The following ARHGAP15 variants were observed in gnomAD, a reference collection of about 807,000 sequenced individuals.
ARHGAP15 encodes the protein Rho GTPase activating protein 15.
ARHGAP15 carries 51 observed loss-of-function variants against 63.7 expected under a neutral mutation model. The ratio of observed to expected loss-of-function variants is 0.80; its 90% CI spans 0.64 to 1.01. The LOEUF (loss-of-function observed/expected upper bound fraction) is 1.01, where lower values mean the gene tolerates loss of function less well. ARHGAP15 is among the 50% of genes least tolerant of loss of function. The pLI is 0.00. For missense variants in ARHGAP15, 560 were observed against 564.6 expected, an observed-to-expected ratio of 0.99 and a Z score of 0.08; for synonymous variants, 191 against 193.8, an observed-to-expected ratio of 0.99 and a Z score of 0.12.
chr2:143,296,244 G>T (rs1574229186), intron 6 of ARHGAP15, among the ~76,000 whole-genome samples: 1 of 151,988 alleles, frequency 6.6e-6, no homozygotes, highest in Non-Finnish European at 1.5e-5. Flanking sequence ...CACTTCGAGT[G>T]ACATCATGGC....
chr2:143,595,914 C>G (rs1409137869), intron 11 of ARHGAP15, among the ~76,000 whole-genome samples: 1 of 152,090 alleles, frequency 6.6e-6, no homozygotes, highest in Non-Finnish European at 1.5e-5. Flanking sequence ...AAACCAAGAT[C>G]CATCCCTTAA....
chr2:143,658,743 T>C (rs1681589163), intron 12 of ARHGAP15, among the ~76,000 whole-genome samples: 1 of 152,212 alleles, frequency 6.6e-6, no homozygotes, highest in African/African-American at 2.4e-5. Flanking sequence ...GTCCTTCCTC[T>C]GTCACTTCTG....
intron 2 of ARHGAP15, among the ~76,000 whole-genome samples, chr2:143,184,208 G>A (rs1158424793): frequency 1.3e-5 from 2 of 152,340 alleles, no homozygotes; most frequent in Non-Finnish European, 1.5e-5. Context: ...GCAAAAGTCT[G>A]AAGGACAAGT....
chr2:143,494,082 T>G (rs1301934702), intron 9 of ARHGAP15, among the ~76,000 whole-genome samples: 2 of 152,204 alleles, frequency 1.3e-5, no homozygotes, highest in Non-Finnish European at 2.9e-5. Context: ...TTTATTCTGC[T>G]TGGCCCTTAA....
At chr2:143,564,870 G>T in intron 11 of ARHGAP15, among the ~76,000 whole-genome samples, 1 of 152,114 alleles carries the variant, frequency 6.6e-6, no homozygotes, top group East Asian at 1.9e-4. Flanking sequence ...AAAATAAAAG[G>T]TGCTTTACCT....
chr2:143,636,621 A>G (rs1184921742), intron 12 of ARHGAP15, among the ~76,000 whole-genome samples: 1 of 152,160 alleles, frequency 6.6e-6, no homozygotes, highest in Non-Finnish European at 1.5e-5. Context: ...GATTTCCAGC[A>G]GGATCTTTTT....
chr2:143,169,730 T>C (rs932119681), intron 2 of ARHGAP15, among the ~76,000 whole-genome samples: 9 of 86,402 alleles, frequency 1.0e-4, no homozygotes, highest in Admixed American at 2.2e-4. Flanking sequence ...CAATCAGAAC[T>C]GTCAGTGGCC....
At position 143,367,841 on chromosome 2, in the gene ARHGAP15, C is replaced by T. The variant is rs78108145; in HGVS notation, c.475-67760C>T. On this transcript the variant is annotated intron_variant, in intron 6 of 13. Transcript: ENST00000295095. ...TTGGATTCATTGTACTGCAATTTTCCGGCCACCTTCTTTACAGCCATACTA... is the reference window on the plus strand; with the variant it reads ...TTGGATTCATTGTACTGCAATTTTCTGGCCACCTTCTTTACAGCCATACTA... 5.3e-3 allele frequency among the ~76,000 whole-genome samples: 810 copies of T among 151,936 alleles called. 8 individuals are homozygous for T. The highest frequency in any genetic ancestry group is 0.018 in the African/African-American group (746 of 41,484).
chr2:143,435,345 G>A (rs1574445223), intron 6 of ARHGAP15: 2 of 1,089,504 alleles, frequency 1.8e-6, no homozygotes, highest in East Asian at 6.1e-5. Context: ...TTAAGTTGGA[G>A]TAATTCAGCT....
At chr2:143,378,536 T>C (rs1686913567) in intron 6 of ARHGAP15, among the ~76,000 whole-genome samples, 1 of 152,058 alleles carries the variant, frequency 6.6e-6, no homozygotes, top group Non-Finnish European at 1.5e-5. Context: ...GTAGTCACTC[T>C]TAATGCCTTA....
intron 9 of ARHGAP15, among the ~76,000 whole-genome samples, chr2:143,497,512 C>T (rs1044141973): frequency 2.0e-5 from 3 of 152,110 alleles, no homozygotes; most frequent in Admixed American, 6.6e-5. Flanking sequence ...GTTCTTGTAC[C>T]GCATAGTTCC....
chr2:143,225,722 G>A (rs1020450529), intron 4 of ARHGAP15, among the ~76,000 whole-genome samples: 5 of 152,124 alleles, frequency 3.3e-5, no homozygotes, highest in Non-Finnish European at 7.3e-5. Context: ...TAAGTGTAAG[G>A]CCTTAAGTTA....
chr2:143,173,830 C>T (rs1027072926), intron 2 of ARHGAP15, among the ~76,000 whole-genome samples: 2 of 152,004 alleles, frequency 1.3e-5, no homozygotes, highest in Non-Finnish European at 1.5e-5. Flanking sequence ...CAGCAAATCA[C>T]ATGAAAATGT....
intron 7 of ARHGAP15, 98 bp from the exon 8 acceptor site, chr2:143,436,815 T>G: frequency 1.5e-6 from 2 of 1,304,388 alleles, no homozygotes; most frequent in Non-Finnish European, 2.1e-6. Flanking sequence ...TTACCTTACT[T>G]CAAATTTCCC....
chr2:143,496,438 A>T (rs1392888296), intron 9 of ARHGAP15, among the ~76,000 whole-genome samples: 1 of 152,232 alleles, frequency 6.6e-6, no homozygotes, highest in African/African-American at 2.4e-5. Context: ...AGAATGAGCC[A>T]GAATGATAAA....
chr2:143,541,706 G>A lies in ARHGAP15; in HGVS notation c.926-14702G>A, dbSNP rs375298137. Among the ~76,000 whole-genome samples, 19 of 152,292 alleles carry A rather than the reference G, an allele frequency of 1.2e-4. No homozygotes were observed. The East Asian group carries it at 1.5e-3, about 12-fold the overall frequency. On this transcript the variant is annotated intron_variant, in intron 10 of 13. Transcript: ENST00000295095. ...GCAGAACAGCGGATATTGGTGAACCGCAAATGCTGCTGCCTGATCGTTCCT... is the reference window on the plus strand; with the variant it reads ...GCAGAACAGCGGATATTGGTGAACCACAAATGCTGCTGCCTGATCGTTCCT...
chr2:143,590,608 C>T (rs1245611698), intron 11 of ARHGAP15, among the ~76,000 whole-genome samples: 1 of 152,170 alleles, frequency 6.6e-6, no homozygotes, highest in Non-Finnish European at 1.5e-5. Flanking sequence ...ATCCATTCCT[C>T]CTGGGTATCT....
At chr2:143,702,863 G>T (rs544958389) in intron 12 of ARHGAP15, among the ~76,000 whole-genome samples, 4 of 151,980 alleles carry the variant, frequency 2.6e-5, no homozygotes, top group Non-Finnish European at 5.9e-5. Context: ...AAGGATCTTT[G>T]TGATTCCACT....
At chr2:143,727,892 C>T (rs890957776) in intron 13 of ARHGAP15, among the ~76,000 whole-genome samples, 2 of 152,156 alleles carry the variant, frequency 1.3e-5, no homozygotes, top group South Asian at 2.1e-4. Context: ...CATAATTTGA[C>T]ACAGGTTACG....
Sources: allele counts gnomAD v4.1 joint callset (sites outside exome capture counted in the v4.1 genomes callset), GRCh38; gene constraint gnomAD v4.1.1; transcripts MANE v1.5; gene names NCBI Gene and HGNC (gene_info 2026-07-23, HGNC 2026-07-21).